The following CEP72 variants were observed in gnomAD, a reference collection of about 807,000 sequenced individuals.
CEP72 encodes the protein centrosomal protein 72.
In CEP72, 78 loss-of-function variants were observed where a neutral mutation model predicts 65.7. The observed-to-expected ratio is 1.19, with a 90% CI of 0.99 to 1.43. The LOEUF (loss-of-function observed/expected upper bound fraction) is 1.43, where lower values mean the gene tolerates loss of function less well. Among genes scored for constraint, CEP72 ranks in the 40% most tolerant of loss-of-function variants. The probability of loss-of-function intolerance (pLI) is 0.00; values close to 1 mark genes in which losing one functional copy is unlikely to be tolerated. For missense variants in CEP72, 914 were observed against 832.9 expected (o/e 1.10, Z -1.20); for synonymous variants, 358 against 351.7 (o/e 1.02, Z -0.20).
At position 640,621 on chromosome 5, in the gene CEP72, G is replaced by T. The variant is rs764057993; in HGVS notation, c.1539+17G>T. On this transcript the variant is annotated intron_variant, in intron 9 of 11. Transcript: ENST00000264935. ...AAGGAGCTGGTGAGCCCGCCCTGGC[G>T]CTGTGTCTGTGTCCATGTGACTGGG... 2 of 1,600,172 alleles carry T rather than the reference G, an allele frequency of 1.2e-6. No homozygotes were observed. Among genetic ancestry groups the T allele is most frequent in the South Asian group, 1.1e-5 (1 of 89,956 alleles).
At position 647,821 on chromosome 5, in the gene CEP72, G is replaced by A. The variant is rs754678225; in HGVS notation, c.1683G>A (p.Val561=). The change falls in exon 11 of 12, where the codon GTG becomes GTA. Residue 561 remains valine, a synonymous_variant. Transcript: ENST00000264935. ...NLQIAGLQTS[V]KRLCGEIVEL... ...CTCTTTCAGGACTTCAAACAAGTGT[G>A]AAGAGGCTGTGTGGCGAGATTGTGG... 1.2e-6 allele frequency: 2 copies of A among 1,611,926 alleles called. No homozygotes were observed. The highest frequency in any genetic ancestry group is 1.7e-6 in the Non-Finnish European group (2 of 1,179,500).
chr5:634,769 C>T (rs1216890242), intron 5 of CEP72, among the ~76,000 whole-genome samples: 1 of 152,206 alleles, frequency 6.6e-6, no homozygotes, highest in Non-Finnish European at 1.5e-5. Context: ...GGCCCTTTCT[C>T]AGGCACAAGG....
Position 624,868 on chromosome 5 carries a change from G to A in CEP72, c.512+289G>A, listed in dbSNP as rs1221594892. The stretch of plus-strand genomic sequence containing the variant: ...TCCTGTCCCTTTCCCGGGGCTGGCA[G>A]CTCTCACGTCTGTGGCTGCCTCTGC... On this transcript the variant is annotated intron_variant, in intron 4 of 11. Coordinates refer to ENST00000264935, the MANE Select transcript of CEP72 (RefSeq NM_018140.4). The surrounding 1 kb of genome is among the most constrained non-coding windows in gnomAD (Gnocchi z 4.7). 6.6e-6 allele frequency among the ~76,000 whole-genome samples: 1 copy of A among 152,232 alleles called. No homozygotes were observed. The highest frequency in any genetic ancestry group is 1.9e-4 in the East Asian group (1 of 5,198).
the CEP72 span, among the ~76,000 whole-genome samples, chr5:675,463 CAG>C: frequency 1.2e-4 from 9 of 75,280 alleles, no homozygotes; most frequent in South Asian, 3.9e-4. Context: ...GGGTGCAGCA[CAG>C]GGGGTGCAGT....
intron 2 of CEP72, chr5:664,897 G>A (rs1304560321): frequency 1.3e-5 from 8 of 604,052 alleles, no homozygotes; most frequent in South Asian, 1.2e-4. Context: ...GCGAACTGGG[G>A]CCCAAACCTG....
At position 624,810 on chromosome 5, in the gene CEP72, A is replaced by C. The variant is rs1736640320; in HGVS notation, c.512+231A>C. Among the ~76,000 whole-genome samples the C allele has an allele frequency of 6.6e-6, 1 of 152,192 alleles. No individual in the cohort carries two copies. Among genetic ancestry groups the C allele is most frequent in the Non-Finnish European group, 1.5e-5 (1 of 68,032 alleles). On this transcript the variant is annotated intron_variant, in intron 4 of 11. Transcript: ENST00000264935. The surrounding 1 kb of genome is among the most constrained non-coding windows in gnomAD (Gnocchi z 4.7). ...TAATATCGAAACTGTTGATTAAGGTAATATGTGTAAAATCAACTCAGCAAA... is the reference window on the plus strand; with the variant it reads ...TAATATCGAAACTGTTGATTAAGGTCATATGTGTAAAATCAACTCAGCAAA...
downstream of CEP72, among the ~76,000 whole-genome samples, chr5:658,645 A>ATTTT (rs70955278): frequency 4.1e-4 from 23 of 55,982 alleles, 4 homozygotes; most frequent in South Asian, 7.7e-4. Flanking sequence ...AGCAAAGCTG[A>ATTTT]TTTTTTTTTT....
intron 8 of CEP72, among the ~76,000 whole-genome samples, chr5:639,887 T>TGCAGTGTTATA (rs1197128321): frequency 6.6e-6 from 1 of 152,216 alleles, no homozygotes; most frequent in Non-Finnish European, 1.5e-5. Flanking sequence ...GACTGCGCCT[T>TGCAGTGTTATA]GCAGTGTTAT....
At chr5:631,943 C>G (rs1353293422) in intron 4 of CEP72, among the ~76,000 whole-genome samples, 1 of 15,018 alleles carries the variant, frequency 6.7e-5, no homozygotes, top group Non-Finnish European at 1.2e-4. Context: ...TTCTGTCCAG[C>G]GCCGGGATTT....
At chr5:667,977 C>CTGG (rs530410964), downstream of CEP72, among the ~76,000 whole-genome samples, 1 of 48,520 alleles carries the variant, frequency 2.1e-5, no homozygotes, top group East Asian at 5.3e-4. Flanking sequence ...GACAAGCACA[C>CTGG]AGAGAGGGGG....
At chr5:665,854 CAGG>C in intron 3 of CEP72, 3 of 525,364 alleles carry the variant, frequency 5.7e-6, no homozygotes, top group Admixed American at 6.5e-5. Context: ...GGACCCCCCC[CAGG>C]TCACGCCCCC....
chr5:618,904 C>T (rs1736167163), intron 1 of CEP72, 86 bp from the exon 2 acceptor site: 2 of 1,052,000 alleles, frequency 1.9e-6, no homozygotes, highest in African/African-American at 3.2e-5. Flanking sequence ...TCAGTTTCTA[C>T]TCCATATCCA....
At chr5:658,059 A>C (rs1739426356), downstream of CEP72, among the ~76,000 whole-genome samples, 3 of 152,260 alleles carry the variant, frequency 2.0e-5, no homozygotes, top group African/African-American at 7.2e-5. Flanking sequence ...GGTATAACAC[A>C]CATAATTTGA....
chr5:675,618 A>AGTGCAGTGCCAGAG, the CEP72 span, among the ~76,000 whole-genome samples: 1 of 149,176 alleles, frequency 6.7e-6, no homozygotes, highest in Non-Finnish European at 1.5e-5. Flanking sequence ...TGTGGCCGGG[A>AGTGCAGTGCCAGAG]GTGCAGTGCC....
At chr5:625,830 C>T (rs1736719473) in intron 4 of CEP72, among the ~76,000 whole-genome samples, 1 of 152,168 alleles carries the variant, frequency 6.6e-6, no homozygotes, top group African/African-American at 2.4e-5. Flanking sequence ...CTCTCACAGG[C>T]CGTCTTCCCC....
downstream of CEP72, chr5:661,039 A>G (rs1739571415): frequency 6.6e-6 from 1 of 152,340 alleles, no homozygotes; most frequent in African/African-American, 2.4e-5. Context: ...TGGTAACGCT[A>G]ATTGTTAGGA....
intron 9 of CEP72, chr5:643,517 T>C (rs1379011532): frequency 7.1e-6 from 7 of 985,226 alleles, no homozygotes; most frequent in Non-Finnish European, 6.0e-6. Flanking sequence ...GTGGGCTCAC[T>C]GAGCGGAGAA....
chr5:628,133 C>G (rs539313426), intron 4 of CEP72, among the ~76,000 whole-genome samples: 1 of 152,234 alleles, frequency 6.6e-6, no homozygotes, highest in Non-Finnish European at 1.5e-5. Flanking sequence ...GTGATTGACA[C>G]GCCCGCCGGG....
chr5:665,135 G>A, intron 2 of CEP72: 1 of 1,612,586 alleles, frequency 6.2e-7, no homozygotes, highest in South Asian at 1.1e-5. Flanking sequence ...GGTCGTAGGT[G>A]CCTGCGTGCT....
Sources: gnomAD v4.1 joint callset for allele counts (sites outside exome capture counted in the v4.1 genomes callset) on GRCh38, gnomAD v4.1.1 for gene constraint, Gnocchi (gnomAD v3.1) non-coding constraint, MANE v1.5 for transcripts, NCBI Gene and HGNC (gene_info 2026-07-23, HGNC 2026-07-21) for gene names.